Variants in RMST observed in about 807,000 individuals in gnomAD.
The protein encoded by RMST is long intergenic non-protein coding RNA 54.
chr12:97,503,459 GA>G (rs532563234), intron 10 of RMST, among the ~76,000 whole-genome samples: 2,575 of 132,642 alleles, frequency 0.019, 61 homozygotes, highest in African/African-American at 0.058. Flanking sequence ...TTAATTCCAG[GA>G]AAAAAAAAAA....
At chr12:97,560,287 C>T (rs561779850) in intron 11 of RMST, among the ~76,000 whole-genome samples, 14 of 152,260 alleles carry the variant, frequency 9.2e-5, no homozygotes, top group African/African-American at 2.6e-4. Flanking sequence ...AAAAGCCCCT[C>T]GCTAAAGTGT....
At chr12:97,491,160 G>A (rs1228648710) in intron 5 of RMST, among the ~76,000 whole-genome samples, 2 of 152,146 alleles carry the variant, frequency 1.3e-5, no homozygotes, top group Non-Finnish European at 2.9e-5. Context: ...GCATTCACAG[G>A]GGTAAGACAG....
Position 97,474,549 on chromosome 12 carries a change from T to A in RMST, n.644+8822T>A, listed in dbSNP as rs78095580. On this transcript the variant is annotated intron_variant and non_coding_transcript_variant, in intron 5 of 13. Transcript: ENST00000640149. ...GGTGATTTACAGCTTGAACATTAGG[T>A]ACTTAGAGACAGTATGTCTGACCTA... 1.7e-3 allele frequency among the ~76,000 whole-genome samples: 239 copies of A among 143,112 alleles called. 3 individuals carry two copies. In the East Asian group the frequency reaches 0.046, roughly 28 times the overall value. 93.9% of individuals were successfully genotyped at this position (143,112 alleles called of 152,430 possible). A position where few individuals can be genotyped will look rare whatever the true frequency, so the allele number is the denominator to read the frequency against.
chr12:97,464,179 C>T (rs1167798843), intron 4 of RMST, among the ~76,000 whole-genome samples: 2 of 152,064 alleles, frequency 1.3e-5, no homozygotes, highest in Non-Finnish European at 2.9e-5. Flanking sequence ...TCCAGGACAT[C>T]GATTTAGGAG....
At chr12:97,497,711 T>G (rs937766849) in intron 10 of RMST, among the ~76,000 whole-genome samples, 3 of 151,964 alleles carry the variant, frequency 2.0e-5, no homozygotes, top group African/African-American at 2.4e-5. Flanking sequence ...TTTTCTAACT[T>G]GTTAAATGAA....
chr12:97,511,568 T>A (rs1330050694), intron 10 of RMST, among the ~76,000 whole-genome samples: 1 of 152,248 alleles, frequency 6.6e-6, no homozygotes, highest in Non-Finnish European at 1.5e-5. Context: ...GAATATAGGA[T>A]TTGAATTCTG....
intron 5 of RMST, among the ~76,000 whole-genome samples, chr12:97,484,532 T>C (rs1438420001): frequency 6.6e-6 from 1 of 152,198 alleles, no homozygotes; most frequent in Non-Finnish European, 1.5e-5. Flanking sequence ...AGAATTTGCT[T>C]GCAGCCTTAT....
rs1884115188 is a variant in RMST, at chr12:97,561,643, T to C, written n.1958+596T>C. ...TAGTTTGAAGGCTTTTTTTTTTTTTTTTTTTTTTTTTTTTTGTGCCTGGTT... is the reference window on the plus strand; with the variant it reads ...TAGTTTGAAGGCTTTTTTTTTTTTTCTTTTTTTTTTTTTTTGTGCCTGGTT... On this transcript the variant is annotated intron_variant and non_coding_transcript_variant, in intron 13 of 13. Transcript: ENST00000640149. 2.9e-5 allele frequency among the ~76,000 whole-genome samples: 4 copies of C among 137,408 alleles called. No homozygotes were observed. The Admixed American group carries it at 2.9e-4, about 10-fold the overall frequency. 90.1% of individuals were successfully genotyped at this position (137,408 alleles called of 152,430 possible).
chr12:97,555,276 T>C (rs1284581011), intron 11 of RMST, among the ~76,000 whole-genome samples: 2 of 152,246 alleles, frequency 1.3e-5, no homozygotes, highest in Non-Finnish European at 2.9e-5. Context: ...ATCTTGACTG[T>C]ATATTGATAC....
chr12:97,504,174 C>A (rs905471437), intron 10 of RMST, among the ~76,000 whole-genome samples: 1 of 152,114 alleles, frequency 6.6e-6, no homozygotes. Flanking sequence ...GAGGCCGAGA[C>A]AGGCAGATCA....
intron 5 of RMST, among the ~76,000 whole-genome samples, chr12:97,471,022 G>A (rs1565916038): frequency 6.6e-6 from 1 of 152,024 alleles, no homozygotes. Flanking sequence ...ATGCAAAGGT[G>A]TAGCCTCGAA....
At chr12:97,485,966 G>A (rs10507088) in intron 5 of RMST, among the ~76,000 whole-genome samples, 40,093 of 152,156 alleles carry the variant, frequency 0.26, 6,080 homozygotes, top group African/African-American at 0.41. Flanking sequence ...TGTGCAAAGG[G>A]ATAATGTTTC....
At chr12:97,555,298 T>C (rs1883624403) in intron 11 of RMST, among the ~76,000 whole-genome samples, 1 of 152,234 alleles carries the variant, frequency 6.6e-6, no homozygotes, top group African/African-American at 2.4e-5. Context: ...TTTCATTTAA[T>C]GTTTACCTTT....
chr12:97,482,267 G>T lies in RMST; in HGVS notation n.645-10194G>T, dbSNP rs180895085. 1.5e-4 allele frequency among the ~76,000 whole-genome samples: 23 copies of T among 152,234 alleles called. No individual in the cohort carries two copies. In the East Asian group the frequency reaches 4.4e-3, roughly 29 times the overall value. On this transcript the variant is annotated intron_variant and non_coding_transcript_variant, in intron 5 of 13. Coordinates refer to ENST00000640149, the Ensembl canonical transcript of RMST. ...TTTTAGTTTTTGTGGAGAATATGAGGTCTATTATGAATACTCTTCTCTTCT... is the reference window on the plus strand; with the variant it reads ...TTTTAGTTTTTGTGGAGAATATGAGTTCTATTATGAATACTCTTCTCTTCT...
chr12:97,555,902 C>T (rs1371922846), intron 11 of RMST, among the ~76,000 whole-genome samples: 2 of 152,200 alleles, frequency 1.3e-5, no homozygotes, highest in African/African-American at 4.8e-5. Flanking sequence ...AATTTAGTTC[C>T]TCTGAAGCTC....
chr12:97,523,947 G>GGC (rs1880785612), intron 10 of RMST, among the ~76,000 whole-genome samples: 1 of 151,396 alleles, frequency 6.6e-6, no homozygotes, highest in South Asian at 2.1e-4. Context: ...ATGGTGGTGC[G>GGC]TGCCTGTAGT....
rs189989602 is a variant in RMST at position 97,543,256 on chromosome 12, G to A, written n.1545+12397G>A. Among the ~76,000 whole-genome samples the A allele has an allele frequency of 4.0e-4, 61 of 152,084 alleles. 1 individual carries two copies. Among genetic ancestry groups the A allele is most frequent in the African/African-American group, 1.3e-3 (56 of 41,534 alleles). On this transcript the variant is annotated intron_variant and non_coding_transcript_variant, in intron 11 of 13. Transcript: ENST00000640149. Reference sequence around the variant, plus strand: ...TCCTTCCAGGAGGAAAGCAGGGCCCGCACCAAGCCTTTTTGTCAAAAACAG... The same window carrying A: ...TCCTTCCAGGAGGAAAGCAGGGCCCACACCAAGCCTTTTTGTCAAAAACAG...
chr12:97,519,632 C>T (rs1239445795), intron 10 of RMST, among the ~76,000 whole-genome samples: 1 of 152,158 alleles, frequency 6.6e-6, no homozygotes, highest in African/African-American at 2.4e-5. Context: ...AGTAGTTCAG[C>T]TTTCTTAAAA....
chr12:97,506,718 C>T (rs981521265), intron 10 of RMST, among the ~76,000 whole-genome samples: 2 of 118,088 alleles, frequency 1.7e-5, no homozygotes, highest in African/African-American at 6.7e-5. Context: ...TAGTCTTGCT[C>T]TGTCACCCAG....
Sources: gnomAD v4.1 joint callset for allele counts (sites outside exome capture counted in the v4.1 genomes callset) on GRCh38, gnomAD v4.1.1 for gene constraint, MANE v1.5 for transcripts, NCBI Gene and HGNC (gene_info 2026-07-23, HGNC 2026-07-21) for gene names.